The following DISC1 variants were observed in gnomAD, a reference collection of about 807,000 sequenced individuals.
The protein encoded by DISC1 is DISC1 scaffold protein, also known as disrupted in schizophrenia 1 protein.
DISC1 carries 57 observed loss-of-function variants against 84.5 expected under a neutral mutation model. The ratio of observed to expected loss-of-function variants is 0.67; its 90% confidence interval spans 0.55 to 0.84. DISC1 has a LOEUF of 0.84. Ranked by LOEUF, DISC1 falls within the 40% of genes least tolerant of loss-of-function variation. DISC1 has a pLI of 0.00. For synonymous variants in DISC1, 411 were observed against 415.2 expected, an observed-to-expected ratio of 0.99 and a Z score of 0.12; for missense variants, 1,000 against 1,057.8, an observed-to-expected ratio of 0.95 and a Z score of 0.76.
At chr1:231,854,181 C>T (rs921978881) in intron 9 of DISC1, among the ~76,000 whole-genome samples, 1 of 152,094 alleles carries the variant, frequency 6.6e-6, no homozygotes, top group Non-Finnish European at 1.5e-5. Context: ...GTTTTAATCC[C>T]GGCTGACCTC....
intron 9 of DISC1, among the ~76,000 whole-genome samples, chr1:231,935,164 G>T (rs928619181): frequency 1.3e-5 from 2 of 152,182 alleles, no homozygotes; most frequent in African/African-American, 4.8e-5. Context: ...AGAGGACTGT[G>T]GCATGTCGTG....
intron 9 of DISC1, among the ~76,000 whole-genome samples, chr1:231,886,077 G>T (rs942024619): frequency 2.6e-5 from 4 of 152,186 alleles, no homozygotes; most frequent in Non-Finnish European, 5.9e-5. Flanking sequence ...GGGGGGCCAA[G>T]TTGTCCTTTT....
At position 231,907,525 on chromosome 1, in the gene DISC1, C is replaced by T. The variant is rs1571971595; in HGVS notation, c.1982-51303C>T. Among the ~76,000 whole-genome samples, 2 of 152,124 alleles carry T rather than the reference C, an allele frequency of 1.3e-5. 1 individual carries two copies. Among genetic ancestry groups the T allele is most frequent in the Non-Finnish European group, 2.9e-5 (2 of 68,046 alleles). On this transcript the variant is annotated intron_variant, in intron 9 of 12. Transcript: ENST00000439617. ...CTGAACTTATCCTTTTTTATGGCTG[C>T]ATAGTATTCCATAGTGTATATGTGC...
intron 1 of DISC1, among the ~76,000 whole-genome samples, chr1:231,682,086 T>G (rs949950612): frequency 1.3e-5 from 2 of 152,196 alleles, no homozygotes; most frequent in Non-Finnish European, 2.9e-5. Context: ...ATTTGAGAGC[T>G]TATATACTGT....
chr1:231,814,315 A>T (rs1398478566), intron 8 of DISC1, among the ~76,000 whole-genome samples: 3 of 152,194 alleles, frequency 2.0e-5, no homozygotes, highest in South Asian at 4.1e-4. Context: ...CAACAATATG[A>T]ATTTCAGTGA....
chr1:231,865,161 CCT>C (rs2125933628), intron 9 of DISC1, among the ~76,000 whole-genome samples: 1 of 152,300 alleles, frequency 6.6e-6, no homozygotes, highest in South Asian at 2.1e-4. Context: ...GAGCCAGAAC[CCT>C]GTCTTTCGGT....
chr1:231,927,181 T>C (rs180929630), intron 9 of DISC1, among the ~76,000 whole-genome samples: 1 of 152,346 alleles, frequency 6.6e-6, no homozygotes, highest in Admixed American at 6.5e-5. Context: ...CTCAGCATTC[T>C]CATTCCCTGT....
chr1:232,018,995 G>T (rs1459740986), intron 11 of DISC1, among the ~76,000 whole-genome samples: 2 of 152,198 alleles, frequency 1.3e-5, no homozygotes, highest in Non-Finnish European at 2.9e-5. Context: ...CTGAAAAACA[G>T]CATAGCTTCT....
chr1:231,762,396 A>G (rs1275204015), intron 4 of DISC1, among the ~76,000 whole-genome samples: 3 of 150,642 alleles, frequency 2.0e-5, no homozygotes, highest in Non-Finnish European at 4.4e-5. Flanking sequence ...GTGCAGCAGC[A>G]TGATCATAGC....
chr1:232,030,682 C>G (rs142503855), intron 12 of DISC1, among the ~76,000 whole-genome samples: 12 of 152,282 alleles, frequency 7.9e-5, no homozygotes, highest in Non-Finnish European at 1.6e-4. Flanking sequence ...CAAATTTTAG[C>G]GTGAACAGAC....
At chr1:231,769,871 A>G (rs2076423796) in intron 5 of DISC1, among the ~76,000 whole-genome samples, 1 of 152,224 alleles carries the variant, frequency 6.6e-6, no homozygotes, top group African/African-American at 2.4e-5. Flanking sequence ...AGACTTTGTC[A>G]GTAATACTGT....
At chr1:231,734,956 G>T (rs73117149) in intron 3 of DISC1, among the ~76,000 whole-genome samples, 3,616 of 152,292 alleles carry the variant, frequency 0.024, 147 homozygotes, top group African/African-American at 0.081. Flanking sequence ...AAGCTGTTTA[G>T]CATTAAGAAT....
intron 8 of DISC1, among the ~76,000 whole-genome samples, chr1:231,801,191 C>G (rs528575802): frequency 6.6e-6 from 1 of 152,176 alleles, no homozygotes; most frequent in African/African-American, 2.4e-5. Flanking sequence ...TATTTACAAC[C>G]AGTAGAACAT....
chr1:231,652,862 C>T (rs911053954), intron 1 of DISC1, among the ~76,000 whole-genome samples: 3 of 152,236 alleles, frequency 2.0e-5, no homozygotes, highest in African/African-American at 4.8e-5. Context: ...TCACTGCAAC[C>T]TCCACCTACC....
intron 8 of DISC1, among the ~76,000 whole-genome samples, chr1:231,815,456 T>C (rs182055767): frequency 6.6e-6 from 1 of 152,126 alleles, no homozygotes; most frequent in Non-Finnish European, 1.5e-5. Flanking sequence ...ATGTACATGT[T>C]GGCTGGGCGC....
intron 9 of DISC1, among the ~76,000 whole-genome samples, chr1:231,932,948 A>G (rs900475356): frequency 6.6e-6 from 1 of 152,182 alleles, no homozygotes; most frequent in Non-Finnish European, 1.5e-5. Context: ...ACTGAAGCCC[A>G]ATTTATACTC....
intron 9 of DISC1, among the ~76,000 whole-genome samples, chr1:231,843,249 G>A (rs1207590196): frequency 6.6e-6 from 1 of 152,202 alleles, no homozygotes; most frequent in African/African-American, 2.4e-5. Flanking sequence ...AGGTGATAGA[G>A]AAAAGCTTCC....
chr1:231,730,685 TG>T (rs1335639913), intron 3 of DISC1, among the ~76,000 whole-genome samples: 1 of 152,214 alleles, frequency 6.6e-6, no homozygotes, highest in African/African-American at 2.4e-5. Flanking sequence ...GTTGGTAGGC[TG>T]GGGTAAGATA....
At chr1:232,032,693 T>C (rs1670168864) in intron 12 of DISC1, among the ~76,000 whole-genome samples, 1 of 152,226 alleles carries the variant, frequency 6.6e-6, no homozygotes, top group Admixed American at 6.5e-5. Flanking sequence ...TAAGAATTAT[T>C]CTGCTTTTTT....
Sources: allele counts gnomAD v4.1 joint callset (sites outside exome capture counted in the v4.1 genomes callset), GRCh38; gene constraint gnomAD v4.1.1; transcripts MANE v1.5; gene names NCBI Gene and HGNC (gene_info 2026-07-23, HGNC 2026-07-21).